AFF1: variants seen among roughly 807,000 people sequenced by gnomAD.
AFF1 encodes AF4/FMR2 family member 1.
AFF1 carries 48 observed loss-of-function variants against 121.7 expected under a neutral mutation model. The observed-to-expected ratio is 0.39, with a 90% confidence interval of 0.31 to 0.50. AFF1 has a LOEUF of 0.50. AFF1 is among the 20% of genes least tolerant of loss of function. The pLI, the probability that AFF1 is intolerant of heterozygous loss-of-function variation, is 0.76. For missense variants in AFF1, 1,523 were observed against 1,511.7 expected (o/e 1.01, Z -0.12); for synonymous variants, 613 against 563.0 (o/e 1.09, Z -1.26).
At chr4:86,970,127 C>T (rs1318180864) in intron 2 of AFF1, among the ~76,000 whole-genome samples, 1 of 151,798 alleles carries the variant, frequency 6.6e-6, no homozygotes, top group Non-Finnish European at 1.5e-5. Flanking sequence ...AAAAATTATA[C>T]GTGGAAGGGT....
At chr4:87,049,345 C>T (rs1050593587) in intron 4 of AFF1, among the ~76,000 whole-genome samples, 1 of 150,492 alleles carries the variant, frequency 6.6e-6, no homozygotes, top group African/African-American at 2.5e-5. Flanking sequence ...GAACGAGGTG[C>T]TTATAAACCT....
intron 2 of AFF1, among the ~76,000 whole-genome samples, chr4:86,953,903 G>C (rs1374831705): frequency 1.3e-5 from 2 of 152,070 alleles, no homozygotes; most frequent in Non-Finnish European, 2.9e-5. Flanking sequence ...TAGAGACGGG[G>C]TTTCACCATG....
chr4:87,108,172 C>G lies in AFF1; in HGVS notation c.1390C>G (p.Leu464Val). 1 of 1,614,040 alleles carries G rather than the reference C, an allele frequency of 6.2e-7. No homozygotes were observed. The highest frequency in any genetic ancestry group is 1.1e-5 in the South Asian group (1 of 91,026). ...GTTGCTTTGCAGTGCTCCACAGTCC[C>G]TTCCAGAACCAGTGGCATCAGCACA... is the stretch of plus-strand genomic sequence containing the variant. Reference protein sequence around the residue: ...SSAPPSAPQSLPEPVASAHSS... With the variant: ...SSAPPSAPQSVPEPVASAHSS... Residue 464 changes from leucine (L) to valine (V), a missense_variant, in exon 11 of 21, where the codon CTT becomes GTT. By Grantham distance (32) the Leu-to-Val change is conservative. This residue lies in a region of AFF1 where 905 missense variants were observed against 842.5 expected (regional missense o/e 1.07). Transcript: ENST00000395146.
At chr4:86,998,759 G>A (rs1725452049) in intron 2 of AFF1, among the ~76,000 whole-genome samples, 1 of 152,172 alleles carries the variant, frequency 6.6e-6, no homozygotes, top group Admixed American at 6.5e-5. Context: ...CTTATTCAGT[G>A]GAGGGGGTGG....
chr4:87,022,055 A>C (rs1358144396), intron 2 of AFF1, among the ~76,000 whole-genome samples: 1 of 152,046 alleles, frequency 6.6e-6, no homozygotes, highest in Admixed American at 6.6e-5. Flanking sequence ...ATACAAAAAA[A>C]TTAGCCAGGC....
intron 8 of AFF1, among the ~76,000 whole-genome samples, chr4:87,104,130 T>C (rs144152323): frequency 1.4e-4 from 21 of 152,310 alleles, no homozygotes; most frequent in African/African-American, 5.1e-4. Flanking sequence ...AATTTAGCTG[T>C]GCAGGGTGGC....
Position 87,038,246 on chromosome 4 carries a change from C to T in AFF1, c.39-7920C>T, listed in dbSNP as rs139424824. ...GTTATTGAGAGTGAAAACCCTGGGA[C>T]GATTTAGCTGAGTGATTTTTATTAT... On this transcript the variant is annotated intron_variant, in intron 2 of 20. Transcript: ENST00000395146. 9.2e-3 allele frequency among the ~76,000 whole-genome samples: 1,395 copies of T among 152,154 alleles called. 21 individuals carry two copies. The highest frequency in any genetic ancestry group is 0.032 in the African/African-American group (1,337 of 41,498).
Position 87,105,846 on chromosome 4 carries a change from G to T in AFF1, c.1376+1G>T. On this transcript the variant is annotated splice_donor_variant, in intron 10 of 20. Coordinates refer to ENST00000395146, the MANE Select transcript of AFF1 (RefSeq NM_001166693.3). LOFTEE classifies it high-confidence loss of function. The stretch of plus-strand genomic sequence containing the variant: ...CTCCCTCCTCATCTGCACCTCCAAG[G>T]TACCGTGTGGGTTTCTCCCCATCTG... The T allele has an allele frequency of 6.2e-7, 1 of 1,613,854 alleles. No individual in the cohort carries two copies. The highest frequency in any genetic ancestry group is 8.5e-7 in the Non-Finnish European group (1 of 1,179,950).
At chr4:87,036,161 A>G (rs1026046135) in intron 2 of AFF1, among the ~76,000 whole-genome samples, 4 of 152,148 alleles carry the variant, frequency 2.6e-5, no homozygotes, top group Admixed American at 6.5e-5. Context: ...GACATAAATA[A>G]CTAGTCAGGT....
At chr4:87,055,377 G>A (rs1245492549) in intron 4 of AFF1, among the ~76,000 whole-genome samples, 1 of 152,158 alleles carries the variant, frequency 6.6e-6, no homozygotes, top group East Asian at 1.9e-4. Flanking sequence ...GGTATTAATT[G>A]GAGTTGTTTT....
At chr4:86,982,903 T>TGAGGGCA (rs1040879166) in intron 2 of AFF1, among the ~76,000 whole-genome samples, 5 of 144,960 alleles carry the variant, frequency 3.4e-5, no homozygotes, top group South Asian at 2.2e-4. Context: ...TTCCACTGTG[T>TGAGGGCA]GAGGGCACAG....
chr4:86,957,730 CA>C (rs1195420118), intron 2 of AFF1, among the ~76,000 whole-genome samples: 7 of 151,984 alleles, frequency 4.6e-5, no homozygotes, highest in Non-Finnish European at 8.8e-5. Context: ...TTAATAGAGA[CA>C]GGGTTTCACC....
intron 4 of AFF1, among the ~76,000 whole-genome samples, chr4:87,053,882 G>C (rs932499085): frequency 6.6e-5 from 10 of 152,226 alleles, no homozygotes; most frequent in African/African-American, 2.4e-4. Flanking sequence ...TTGTGACTTA[G>C]AACTAAGGAG....
intron 12 of AFF1, 58 bp downstream of exon 12, chr4:87,115,357 C>A: frequency 6.9e-7 from 1 of 1,449,238 alleles, no homozygotes; most frequent in Non-Finnish European, 9.1e-7. Flanking sequence ...GTTGGCCTGG[C>A]GGTATCTTTG....
chr4:87,137,010 C>G lies in AFF1; in HGVS notation c.*1309C>G, dbSNP rs1302176659. The stretch of plus-strand genomic sequence containing the variant: ...TATTGCCATAGTGTATGCATTAAAC[C>G]AAGTCCATTTTGAATGACCTAAAAT... On this transcript the variant is annotated 3_prime_UTR_variant, in exon 21 of 21. Transcript: ENST00000395146. 2 of 223,000 alleles carry G rather than the reference C, an allele frequency of 9.0e-6. No individual in the cohort carries two copies. Among genetic ancestry groups the G allele is most frequent in the Non-Finnish European group, 1.8e-5 (2 of 111,502 alleles). 13.8% of individuals were successfully genotyped at this position (223,000 alleles called of 1,614,324 possible). A position where few individuals can be genotyped will look rare whatever the true frequency, so the allele number is the denominator to read the frequency against.
chr4:86,975,324 C>T (rs1047183381), intron 2 of AFF1, among the ~76,000 whole-genome samples: 1 of 152,224 alleles, frequency 6.6e-6, no homozygotes, highest in Admixed American at 6.5e-5. Context: ...AGTCTCTACC[C>T]ACTGCAGCCT....
At chr4:87,033,860 T>G (rs1300059976) in intron 2 of AFF1, among the ~76,000 whole-genome samples, 1 of 152,120 alleles carries the variant, frequency 6.6e-6, no homozygotes, top group Non-Finnish European at 1.5e-5. Flanking sequence ...AACTATTGAG[T>G]CTCTGGATCT....
In AFF1 at chr4:86,995,116, C is replaced by G. The variant is rs927711065; in HGVS notation, c.38+46545C>G. Among the ~76,000 whole-genome samples, 7 of 152,002 alleles carry G rather than the reference C, an allele frequency of 4.6e-5. No homozygotes were observed. In the East Asian group the frequency reaches 1.4e-3, roughly 29 times the overall value. On this transcript the variant is annotated intron_variant, in intron 2 of 20. Coordinates refer to ENST00000395146, the MANE Select transcript of AFF1 (RefSeq NM_001166693.3). ...GGTGTGGTGTTGTGTGCCTGTAGCC[C>G]CAGCTACTCAGGAGGCTGAGGTAGG...
rs118120725 is a variant in AFF1, at chr4:87,107,292, T to C, written c.1377-867T>C. Among the ~76,000 whole-genome samples, 4 of 152,266 alleles carry C rather than the reference T, an allele frequency of 2.6e-5. 1 individual carries two copies. The highest frequency in any genetic ancestry group is 1.3e-4 in the Admixed American group (2 of 15,292). On this transcript the variant is annotated intron_variant, in intron 10 of 20. Transcript: ENST00000395146. ...TGTCCAGATTATAGTTAATGACTTATTGCTTTAATTAATACCATCTAGGGT... is the reference window on the plus strand; with the variant it reads ...TGTCCAGATTATAGTTAATGACTTACTGCTTTAATTAATACCATCTAGGGT...
Sources: gnomAD v4.1 joint callset for allele counts (sites outside exome capture counted in the v4.1 genomes callset) on GRCh38, gnomAD v4.1.1 for gene constraint, gnomAD v4.1.1 regional missense constraint, MANE v1.5 for transcripts, NCBI Gene and HGNC (gene_info 2026-07-23, HGNC 2026-07-21) for gene names.